The following ZEB2 variants were observed in gnomAD, a reference collection of about 807,000 sequenced individuals.
ZEB2 encodes zinc finger E-box-binding homeobox 2.
In ZEB2, 6 loss-of-function variants were observed where a neutral mutation model predicts 99.9. That is an observed-to-expected ratio of 0.06 (90% CI 0.03 to 0.12). The LOEUF is 0.12. Among genes scored for constraint, ZEB2 ranks in the 10% least tolerant of loss-of-function variants. The pLI, the probability that ZEB2 is intolerant of heterozygous loss-of-function variation, is 1.00. For missense variants in ZEB2, 969 were observed against 1,502.8 expected, an observed-to-expected ratio of 0.64 and a Z score of 5.87; for synonymous variants, 517 against 542.5, an observed-to-expected ratio of 0.95 and a Z score of 0.65.
intron 2 of ZEB2, among the ~76,000 whole-genome samples, chr2:144,493,253 T>A (rs1172487459): frequency 6.6e-6 from 1 of 152,202 alleles, no homozygotes; most frequent in Non-Finnish European, 1.5e-5. Flanking sequence ...GCCTCCATCG[T>A]AGGGTTCCTG....
chr2:144,419,782 C>CT (rs747408522), intron 4 of ZEB2, among the ~76,000 whole-genome samples: 1 of 151,776 alleles, frequency 6.6e-6, no homozygotes, highest in South Asian at 2.1e-4. Flanking sequence ...AATTTTGTTC[C>CT]TTTTTTAAAA....
chr2:144,459,893 A>G (rs908009715), intron 2 of ZEB2, among the ~76,000 whole-genome samples: 4 of 152,200 alleles, frequency 2.6e-5, no homozygotes, highest in African/African-American at 7.2e-5. Flanking sequence ...AGAGGAAAAC[A>G]GGCTCGTAGA....
intron 2 of ZEB2, among the ~76,000 whole-genome samples, chr2:144,453,959 G>A (rs377210571): frequency 6.6e-5 from 10 of 152,300 alleles, no homozygotes; most frequent in South Asian, 2.1e-4. Flanking sequence ...GCGCAATGCC[G>A]TGTTAGAATA....
chr2:144,404,540 T>C (rs1044520324), intron 5 of ZEB2, among the ~76,000 whole-genome samples: 1 of 152,156 alleles, frequency 6.6e-6, no homozygotes, highest in African/African-American at 2.4e-5. Context: ...GTCTCAACTT[T>C]TTTTTCCTCA....
intron 2 of ZEB2, among the ~76,000 whole-genome samples, chr2:144,467,345 GA>G (rs1341550270): frequency 1.3e-5 from 2 of 151,972 alleles, no homozygotes; most frequent in Admixed American, 6.6e-5. Context: ...AATGGGCTGG[GA>G]AAAAAAGCAG....
intron 2 of ZEB2, among the ~76,000 whole-genome samples, chr2:144,471,620 C>CCT (rs1704357579): frequency 6.6e-6 from 1 of 151,740 alleles, no homozygotes; most frequent in South Asian, 2.1e-4. Flanking sequence ...AAAGAAATCC[C>CCT]CTATTTGTAA....
At chr2:144,448,535 C>T (rs1704015506) in intron 2 of ZEB2, among the ~76,000 whole-genome samples, 1 of 152,184 alleles carries the variant, frequency 6.6e-6, no homozygotes, top group Admixed American at 6.5e-5. Flanking sequence ...ATGCAAGGTA[C>T]ATGCTAAAAA....
chr2:144,513,552 A>G lies in ZEB2; in HGVS notation c.73+3726T>C, dbSNP rs1048539925. On this transcript the variant is annotated intron_variant, in intron 2 of 9. Coordinates refer to ENST00000627532, the MANE Select transcript of ZEB2 (RefSeq NM_014795.4). ...CTGAAACAAGCAGTTTCCGGATTTG[A>G]TTTTTGCTACAACGTGCATGTCTCT... 3.3e-6 allele frequency: 5 copies of G among 1,529,728 alleles called. No homozygotes were observed. In the Admixed American group the frequency reaches 9.9e-5, roughly 30 times the overall value. 94.8% of individuals were successfully genotyped at this position (1,529,728 alleles called of 1,614,324 possible).
chr2:144,454,175 T>C (rs772533282), intron 2 of ZEB2, among the ~76,000 whole-genome samples: 1 of 152,178 alleles, frequency 6.6e-6, no homozygotes, highest in African/African-American at 2.4e-5. Flanking sequence ...AAGTAAGAGG[T>C]CTGGGAATAA....
chr2:144,453,730 A>C (rs1382808620), intron 2 of ZEB2, among the ~76,000 whole-genome samples: 1 of 152,186 alleles, frequency 6.6e-6, no homozygotes, highest in Non-Finnish European at 1.5e-5. Flanking sequence ...CAAAGCAAGG[A>C]GGAAGGGCAA....
intron 4 of ZEB2, among the ~76,000 whole-genome samples, chr2:144,412,244 G>A (rs983855296): frequency 1.3e-5 from 2 of 152,196 alleles, no homozygotes; most frequent in Non-Finnish European, 2.9e-5. Flanking sequence ...ACTCCAGCCT[G>A]GGCAACAAGA....
intron 2 of ZEB2, among the ~76,000 whole-genome samples, chr2:144,488,670 A>AGTGTGTGTGTGTGTGAGTGTGT (rs141698487): frequency 5.4e-5 from 8 of 148,030 alleles, no homozygotes; most frequent in Non-Finnish European, 1.0e-4. Flanking sequence ...CTCGTGTGTG[A>AGTGTGTGTGTGTGTGAGTGTGT]GTGTGTGTGT....
intron 2 of ZEB2, among the ~76,000 whole-genome samples, chr2:144,484,101 G>T (rs1573790394): frequency 6.6e-6 from 1 of 151,646 alleles, no homozygotes. Context: ...ACTCAAAGTT[G>T]TTCCCACATG....
chr2:144,405,307 A>G (rs1434420079), intron 4 of ZEB2: 6 of 371,384 alleles, frequency 1.6e-5, no homozygotes, highest in Non-Finnish European at 2.9e-5. Flanking sequence ...GAAATTTAAA[A>G]TGTTTTTCAT....
chr2:144,443,295 G>A (rs1335296332), intron 2 of ZEB2, among the ~76,000 whole-genome samples: 1 of 152,050 alleles, frequency 6.6e-6, no homozygotes, highest in Non-Finnish European at 1.5e-5. Flanking sequence ...TAGCTAAAGG[G>A]CCATATGCCC....
At chr2:144,474,180 C>G (rs1704398518) in intron 2 of ZEB2, among the ~76,000 whole-genome samples, 1 of 152,196 alleles carries the variant, frequency 6.6e-6, no homozygotes. Flanking sequence ...CTGATTGATT[C>G]AGACCAGATG....
intron 2 of ZEB2, among the ~76,000 whole-genome samples, chr2:144,465,277 TC>T (rs1560635665): frequency 6.6e-6 from 1 of 152,144 alleles, no homozygotes; most frequent in Non-Finnish European, 1.5e-5. Context: ...CTCATGTTTG[TC>T]TCCTCCAAAG....
intron 4 of ZEB2, chr2:144,424,424 A>G (rs1422367125): frequency 3.8e-6 from 2 of 526,316 alleles, no homozygotes; most frequent in Non-Finnish European, 7.5e-6. Context: ...TTGAATTCTC[A>G]ACGACTGATA....
chr2:144,426,681 G>A (rs577434619), intron 3 of ZEB2: 1 of 152,266 alleles, frequency 6.6e-6, no homozygotes, highest in Non-Finnish European at 1.5e-5. Context: ...GCATTTTGTA[G>A]TATTATTTAG....
Sources: allele counts gnomAD v4.1 joint callset (sites outside exome capture counted in the v4.1 genomes callset), GRCh38; gene constraint gnomAD v4.1.1; transcripts MANE v1.5; gene names NCBI Gene and HGNC (gene_info 2026-07-23, HGNC 2026-07-21).